KDM1B: variants seen among roughly 807,000 people sequenced by gnomAD.
KDM1B encodes lysine-specific histone demethylase 2.
In KDM1B, 63 loss-of-function variants were observed where a neutral mutation model predicts 107.4. That is an observed-to-expected ratio of 0.59 (90% CI 0.48 to 0.72). The LOEUF is 0.72. KDM1B is among the 30% of genes least tolerant of loss of function. The probability of loss-of-function intolerance (pLI) is 0.00; values close to 1 mark genes in which losing one functional copy is unlikely to be tolerated. For missense variants in KDM1B, 749 were observed against 1,020.8 expected (o/e 0.73, Z 3.63); for synonymous variants, 363 against 363.9 (o/e 1.00, Z 0.03).
In KDM1B at chr6:18,197,900, C is replaced by G. The variant is rs1787751287; in HGVS notation, c.1221+239C>G. ...TCTAATGAGCAAGTCAGAAGAAATTCTAACTTGGCATTAAAGTAGAAATTC... is the reference window on the plus strand; with the variant it reads ...TCTAATGAGCAAGTCAGAAGAAATTGTAACTTGGCATTAAAGTAGAAATTC... On this transcript the variant is annotated intron_variant, in intron 12 of 21. Transcript: ENST00000650836. This position sits in a 1 kb window ranked among gnomAD's most constrained non-coding sequence, Gnocchi z 4.5. Among the ~76,000 whole-genome samples the G allele has an allele frequency of 6.7e-6, 1 of 149,808 alleles. No individual in the cohort carries two copies. The highest frequency in any genetic ancestry group is 6.7e-5 in the Admixed American group (1 of 15,022).
At chr6:18,174,494 G>A (rs1038516803) in intron 7 of KDM1B, among the ~76,000 whole-genome samples, 3 of 151,926 alleles carry the variant, frequency 2.0e-5, no homozygotes, top group Admixed American at 2.0e-4. Context: ...TAGGTTATTG[G>A]GGTACAGGTG....
At chr6:18,182,047 T>A (rs1441169787) in intron 7 of KDM1B, among the ~76,000 whole-genome samples, 1 of 152,202 alleles carries the variant, frequency 6.6e-6, no homozygotes, top group African/African-American at 2.4e-5. Context: ...TCCATTTTTT[T>A]ATTTTGATTT....
chr6:18,184,360 C>T (rs1174723320), intron 7 of KDM1B, among the ~76,000 whole-genome samples: 2 of 149,462 alleles, frequency 1.3e-5, no homozygotes, highest in African/African-American at 2.5e-5. Context: ...CTCCAACTTC[C>T]GCCTTCCAGG....
chr6:18,162,999 T>A lies in KDM1B; in HGVS notation c.305+75T>A. The A allele has an allele frequency of 1.2e-6, 1 of 867,228 alleles. No individual in the cohort carries two copies. The highest frequency in any genetic ancestry group is 2.0e-6 in the Non-Finnish European group (1 of 505,202). The allele number at this position is 867,228 out of a possible 1,614,324, so 53.7% of individuals were successfully genotyped here. On this transcript the variant is annotated intron_variant, in intron 5 of 21. Transcript: ENST00000650836. This position sits in a 1 kb window ranked among gnomAD's most constrained non-coding sequence, Gnocchi z 4.1. Reference sequence around the variant, plus strand: ...GGGGCAGTGCGTGTGGTCAGCTGATTAAAGCTTAGTCTCGAGGCTTACTGA... The same window carrying A: ...GGGGCAGTGCGTGTGGTCAGCTGATAAAAGCTTAGTCTCGAGGCTTACTGA...
intron 7 of KDM1B, among the ~76,000 whole-genome samples, chr6:18,184,273 C>CTTCTTTTTTTTTTTTTTTTTTTT (rs1554144142): frequency 5.1e-5 from 6 of 116,670 alleles, no homozygotes; most frequent in Non-Finnish European, 8.7e-5. Flanking sequence ...GTTCTAGCTT[C>CTTCTTTTTTTTTTTTTTTTTTTT]TTTTTTTTTT....
Position 18,214,950 on chromosome 6 carries a change from C to T in KDM1B, c.2110-57C>T, listed in dbSNP as rs1789107172. On this transcript the variant is annotated intron_variant, in intron 19 of 21. Coordinates refer to ENST00000650836, the MANE Select transcript of KDM1B (RefSeq NM_001364614.2). This position sits in a 1 kb window ranked among gnomAD's most constrained non-coding sequence, Gnocchi z 4.4. Reference sequence around the variant, plus strand: ...AAACAAAAAACAAAAAAAAGAGGCCCTTATCTGTGGGAGCTGAGCACTCAC... The same window carrying T: ...AAACAAAAAACAAAAAAAAGAGGCCTTTATCTGTGGGAGCTGAGCACTCAC... 6.4e-7 allele frequency: 1 copy of T among 1,567,888 alleles called. No homozygotes were observed. The highest frequency in any genetic ancestry group is 8.6e-7 in the Non-Finnish European group (1 of 1,158,690).
At chr6:18,188,137 C>T (rs2150919887) in intron 9 of KDM1B, 135 bp downstream of exon 9, 2 of 799,062 alleles carry the variant, frequency 2.5e-6, no homozygotes, top group Non-Finnish European at 4.0e-6. Context: ...GTAATCCCAG[C>T]ACTTTGGGTG....
intron 9 of KDM1B, 38 bp downstream of exon 9, chr6:18,188,040 C>A: frequency 1.3e-6 from 2 of 1,511,066 alleles, no homozygotes; most frequent in South Asian, 2.4e-5. Flanking sequence ...TTTCTATTCC[C>A]CGCTCCCCTC....
chr6:18,183,813 G>C (rs1445419018), intron 7 of KDM1B, among the ~76,000 whole-genome samples: 1 of 151,824 alleles, frequency 6.6e-6, no homozygotes, highest in Non-Finnish European at 1.5e-5. Flanking sequence ...AACCTACCTT[G>C]GTGTGTGTAT....
rs373169502 is a variant in KDM1B, at chr6:18,161,307, A to G, written c.88-20A>G. 8 of 1,612,836 alleles carry G rather than the reference A, an allele frequency of 5.0e-6. No individual in the cohort carries two copies. The South Asian group carries it at 5.5e-5, about 11-fold the overall frequency. ...TTGCCATCATCAGTGAAATTTTAAC[A>G]TCAGCTGTGACTCCCTTAGGCGAAG... On this transcript the variant is annotated intron_variant, in intron 3 of 21. Transcript: ENST00000650836.
chr6:18,168,184 C>T (rs867634706), intron 6 of KDM1B, among the ~76,000 whole-genome samples: 8 of 152,172 alleles, frequency 5.3e-5, no homozygotes, highest in African/African-American at 1.9e-4. Context: ...TTCAGTGGCA[C>T]TTAGTATATT....
At chr6:18,187,336 C>A (rs778572087) in intron 8 of KDM1B, among the ~76,000 whole-genome samples, 2 of 152,192 alleles carry the variant, frequency 1.3e-5, no homozygotes, top group South Asian at 4.1e-4. Context: ...GTAATACTTA[C>A]TACTTGGGAG....
chr6:18,180,210 C>T (rs945581029), intron 7 of KDM1B, among the ~76,000 whole-genome samples: 2 of 151,726 alleles, frequency 1.3e-5, no homozygotes, highest in Non-Finnish European at 2.9e-5. Flanking sequence ...TTCCAGGCTG[C>T]GTGGCTGCAC....
rs1198212564 is a variant in KDM1B at position 18,197,213 on chromosome 6, C to T, written c.1126C>T (p.Leu376Phe). 5 of 1,613,916 alleles carry T rather than the reference C, an allele frequency of 3.1e-6. No individual in the cohort carries two copies. The highest frequency in any genetic ancestry group is 3.4e-6 in the Non-Finnish European group (4 of 1,179,958). ...CAGCGTGGGAGCCGACCAGTATCTTCTCCCTAAGGACTACCACAATGTAGG... is the reference window on the plus strand; with the variant it reads ...CAGCGTGGGAGCCGACCAGTATCTTTTCCCTAAGGACTACCACAATGTAGG... The part of the protein sequence containing the change: ...VLSVGADQYL[L>F]PKDYHNKSVI... Residue 376 changes from leucine to phenylalanine, a missense_variant, in exon 11 of 22, where the codon CTC becomes TTC. Transcript: ENST00000650836. The surrounding 1 kb of genome is among the most constrained non-coding windows in gnomAD (Gnocchi z 4.5).
In KDM1B at chr6:18,211,583, C is replaced by T. The variant is rs1788855257; in HGVS notation, c.1867-905C>T. ...ACAAGTCAAGAAGGAGGCCGTAAGGCATGCATGTTGCTGGTGCACGTGGTT... is the reference window on the plus strand; with the variant it reads ...ACAAGTCAAGAAGGAGGCCGTAAGGTATGCATGTTGCTGGTGCACGTGGTT... On this transcript the variant is annotated intron_variant, in intron 17 of 21. Transcript: ENST00000650836. This position sits in a 1 kb window ranked among gnomAD's most constrained non-coding sequence, Gnocchi z 5.2. The T allele has an allele frequency of 6.6e-6, 1 of 152,292 alleles. No individual in the cohort carries two copies. Among genetic ancestry groups the T allele is most frequent in the Non-Finnish European group, 1.5e-5 (1 of 68,070 alleles). The allele number at this position is 152,292 out of a possible 1,614,324, so 9.4% of individuals were successfully genotyped here.
rs543843521 is a variant in KDM1B at position 18,173,655 on chromosome 6, G to GT, written c.534+2185dup. Among the ~76,000 whole-genome samples, 250 of 151,278 alleles carry GT rather than the reference G, an allele frequency of 1.7e-3. 2 individuals carry two copies. The highest frequency in any genetic ancestry group is 2.5e-3 in the Non-Finnish European group (168 of 67,796). Reference sequence around the variant, plus strand: ...CTTTACTTTTAGATCACTAGCTCAAGTTTTTTTTTGTTTTTGATGTGAGAG... The same window carrying GT: ...CTTTACTTTTAGATCACTAGCTCAAGTTTTTTTTTTGTTTTTGATGTGAGAG... On this transcript the variant is annotated intron_variant, in intron 7 of 21. Coordinates refer to ENST00000650836, the MANE Select transcript of KDM1B (RefSeq NM_001364614.2).
rs556271438 is a variant in KDM1B, at chr6:18,205,923, C to T, written c.1659+259C>T. On this transcript the variant is annotated intron_variant, in intron 15 of 21. Transcript: ENST00000650836. This position sits in a 1 kb window ranked among gnomAD's most constrained non-coding sequence, Gnocchi z 5.7. ...AGGGGAATCGCTTGAACCTGGGAGG[C>T]GGAAGTCGTAGTGAGCTGGGATCGC... Among the ~76,000 whole-genome samples, 7 of 151,996 alleles carry T rather than the reference C, an allele frequency of 4.6e-5. No homozygotes were observed. Among genetic ancestry groups the T allele is most frequent in the African/African-American group, 1.2e-4 (5 of 41,466 alleles).
rs749163197 is a variant in KDM1B at position 18,197,191 on chromosome 6, C to T, written c.1104C>T (p.Ser368=). 13 of 1,613,900 alleles carry T rather than the reference C, an allele frequency of 8.1e-6. No individual in the cohort carries two copies. The highest frequency in any genetic ancestry group is 2.2e-5 in the South Asian group (2 of 91,080). Residue 368 remains serine, a synonymous_variant, in exon 11 of 22, where the codon AGC becomes AGT. Coordinates refer to ENST00000650836, the MANE Select transcript of KDM1B (RefSeq NM_001364614.2). The surrounding 1 kb of genome is among the most constrained non-coding windows in gnomAD (Gnocchi z 4.5). ...RKGLINTGVL[S]VGADQYLLPK... is the part of the protein sequence containing the mutation. ...GTCTCATCAACACTGGAGTTCTCAG[C>T]GTGGGAGCCGACCAGTATCTTCTCC...
In KDM1B at chr6:18,191,239, A is replaced by G. The variant is rs1386879766; in HGVS notation, c.827A>G (p.Asn276Ser). The G allele has an allele frequency of 4.5e-6, 7 of 1,550,450 alleles. No individual in the cohort carries two copies. The highest frequency in any genetic ancestry group is 1.4e-5 in the African/African-American group (1 of 73,020). The change falls in exon 10 of 22, where the codon AAT becomes AGT. Residue 276 changes from asparagine (N) to serine (S), a missense_variant. Physicochemically the swap from Asn to Ser is conservative, Grantham distance 46. Coordinates refer to ENST00000650836, the MANE Select transcript of KDM1B (RefSeq NM_001364614.2). This position sits in a 1 kb window ranked among gnomAD's most constrained non-coding sequence, Gnocchi z 5.1. The part of the protein sequence containing the change: ...NRYFQPFYQP[N>S]ECGKALCVRP... ...TACTTCCAGCCTTTCTACCAGCCCA[A>G]TGAGTGTGGCAAAGCCCTCTGTGTG...
Sources: allele counts gnomAD v4.1 joint callset (sites outside exome capture counted in the v4.1 genomes callset), GRCh38; gene constraint gnomAD v4.1.1; non-coding constraint Gnocchi (gnomAD v3.1); transcripts MANE v1.5; gene names NCBI Gene and HGNC (gene_info 2026-07-23, HGNC 2026-07-21).